Variants in PFKFB3 observed in about 807,000 individuals in gnomAD.
The protein encoded by PFKFB3 is 6-phosphofructo-2-kinase/fructose-2,6-biphosphatase 3.
Under a neutral mutation model 68.0 loss-of-function variants are expected in PFKFB3, and 33 were observed. The observed-to-expected ratio is 0.49, with a 90% CI of 0.37 to 0.65. The LOEUF is 0.65. Among genes scored for constraint, PFKFB3 ranks in the 30% least tolerant of loss-of-function variants. The probability of loss-of-function intolerance (pLI) is 0.00; values close to 1 mark genes in which losing one functional copy is unlikely to be tolerated. For synonymous variants in PFKFB3, 315 were observed against 288.2 expected (o/e 1.09, Z -0.94); for missense variants, 586 against 712.2 (o/e 0.82, Z 2.02).
At chr10:6,227,677 C>T (rs1268316452) in intron 14 of PFKFB3, among the ~76,000 whole-genome samples, 1 of 152,210 alleles carries the variant, frequency 6.6e-6, no homozygotes, top group Admixed American at 6.5e-5. Context: ...GGAGGCCTGG[C>T]TTTGGTGGTA....
rs1588554713 is a variant in PFKFB3 at position 6,234,435 on chromosome 10, G to A, written c.*1493G>A. 1 of 152,220 alleles carries A rather than the reference G, an allele frequency of 6.6e-6. No homozygotes were observed. 9.4% of individuals were successfully genotyped at this position (152,220 alleles called of 1,614,324 possible). ...AGAATGCATGTTTTTTTCCTGGTTG[G>A]AATTGAGTAGGAACTGAGGCTGTGC... On this transcript the variant is annotated 3_prime_UTR_variant, in exon 15 of 15. Transcript: ENST00000379775.
At chr10:6,290,759 C>T in the PFKFB3 span, among the ~76,000 whole-genome samples, 1 of 152,122 alleles carries the variant, frequency 6.6e-6, no homozygotes, top group South Asian at 2.1e-4. Context: ...CTGCCTTGGC[C>T]TCCCAGAGTG....
In PFKFB3 at chr10:6,183,943, C is replaced by T. The variant is rs7067727; in HGVS notation, c.17-29680C>T. 5.3e-5 allele frequency among the ~76,000 whole-genome samples: 8 copies of T among 151,680 alleles called. No homozygotes were observed. The South Asian group carries it at 1.5e-3, about 28-fold the overall frequency. On this transcript the variant is annotated intron_variant, in intron 1 of 14. Transcript: ENST00000379789. The stretch of plus-strand genomic sequence containing the variant: ...CTGACCTCGTGATCCACCCGCCTCG[C>T]CCTCCCAAAGTGCTGGGATTACAGG...
chr10:6,192,345 C>A (rs1185721361), intron 1 of PFKFB3, among the ~76,000 whole-genome samples: 1 of 150,308 alleles, frequency 6.7e-6, no homozygotes, highest in Non-Finnish European at 1.5e-5. Flanking sequence ...CCAAAACCTG[C>A]CCGTTTTTTT....
chr10:6,164,175 C>T (rs1013537007), intron 1 of PFKFB3, among the ~76,000 whole-genome samples: 1 of 152,080 alleles, frequency 6.6e-6, no homozygotes, highest in African/African-American at 2.4e-5. Context: ...GGGCGGCCCA[C>T]CCCACCCCGC....
chr10:6,226,500 G>A (rs1588531704), intron 14 of PFKFB3, 135 bp downstream of exon 14: 2 of 776,590 alleles, frequency 2.6e-6, no homozygotes, highest in Non-Finnish European at 4.0e-6. Flanking sequence ...TATGTTGTAG[G>A]TGTCTGTGCA....
In PFKFB3 at chr10:6,228,299, T is replaced by C; in HGVS notation, c.1515+1934T>C. 3 of 1,523,110 alleles carry C rather than the reference T, an allele frequency of 2.0e-6. No individual in the cohort carries two copies. The highest frequency in any genetic ancestry group is 1.1e-5 in the South Asian group (1 of 89,240). The allele number at this position is 1,523,110 out of a possible 1,614,324, so 94.3% of individuals were successfully genotyped here. ...ATTTGGCCTCCTGCCTGTTAAAATA[T>C]TGAGGATGAGAGCAGTTTTGTGATG... On this transcript the variant is annotated intron_variant, in intron 14 of 14. Transcript: ENST00000379775. This position sits in a 1 kb window ranked among gnomAD's most constrained non-coding sequence, Gnocchi z 4.5.
At chr10:6,258,704 T>C (rs1024284828), downstream of PFKFB3, among the ~76,000 whole-genome samples, 1 of 152,238 alleles carries the variant, frequency 6.6e-6, no homozygotes, top group Non-Finnish European at 1.5e-5. Context: ...CTGCTCCCTG[T>C]AGGGGATTGT....
At chr10:6,224,679 G>T (rs998209308) in intron 13 of PFKFB3, 2 of 334,896 alleles carry the variant, frequency 6.0e-6, no homozygotes, top group Non-Finnish European at 1.2e-5. Flanking sequence ...AGATAATGGG[G>T]TCTCACTGTG....
At chr10:6,157,367 C>T (rs999151546) in intron 1 of PFKFB3, among the ~76,000 whole-genome samples, 1 of 151,960 alleles carries the variant, frequency 6.6e-6, no homozygotes, top group East Asian at 2.0e-4. Context: ...GCTGGGACTA[C>T]AGGCGCCCGC....
intron 1 of PFKFB3, among the ~76,000 whole-genome samples, chr10:6,166,676 C>T (rs1842149388): frequency 6.6e-6 from 1 of 152,146 alleles, no homozygotes; most frequent in African/African-American, 2.4e-5. Flanking sequence ...TTGAGTAGCA[C>T]CTGTTTCGGC....
At chr10:6,194,425 G>A (rs775394312) in intron 1 of PFKFB3, among the ~76,000 whole-genome samples, 1 of 152,184 alleles carries the variant, frequency 6.6e-6, no homozygotes, top group Non-Finnish European at 1.5e-5. Flanking sequence ...GTCTAGGAGC[G>A]GGCTCCTTAG....
At chr10:6,262,029 A>AAC in the PFKFB3 span, among the ~76,000 whole-genome samples, 7 of 151,246 alleles carry the variant, frequency 4.6e-5, no homozygotes, top group African/African-American at 7.3e-5. Flanking sequence ...CAAAAAAAAA[A>AAC]ACACAAAAAA....
chr10:6,169,893 C>T (rs182947409), intron 1 of PFKFB3, among the ~76,000 whole-genome samples: 45 of 152,288 alleles, frequency 3.0e-4, no homozygotes, highest in African/African-American at 1.1e-3. Flanking sequence ...TTCCCAGGTT[C>T]CTTTTGGTTC....
At position 6,228,450 on chromosome 10, in the gene PFKFB3, G is replaced by T. The variant is rs1845503610; in HGVS notation, c.1515+2085G>T. On this transcript the variant is annotated intron_variant, in intron 14 of 14. Coordinates refer to ENST00000379775, the MANE Select transcript of PFKFB3 (RefSeq NM_004566.4). The surrounding 1 kb of genome is among the most constrained non-coding windows in gnomAD (Gnocchi z 4.5). Reference sequence around the variant, plus strand: ...CTACTGTTGGGTGTGTTCCGACACCGCCGCACGACCGCTGGCTTCTCCCCT... The same window carrying T: ...CTACTGTTGGGTGTGTTCCGACACCTCCGCACGACCGCTGGCTTCTCCCCT... Among the ~76,000 whole-genome samples the T allele has an allele frequency of 6.6e-6, 1 of 152,090 alleles. No individual in the cohort carries two copies. The highest frequency in any genetic ancestry group is 1.5e-5 in the Non-Finnish European group (1 of 68,006).
chr10:6,145,384 C>G (rs981180334), intron 1 of PFKFB3, among the ~76,000 whole-genome samples: 3 of 99,144 alleles, frequency 3.0e-5, no homozygotes, highest in African/African-American at 1.1e-4. Context: ...ACCCGCGCGT[C>G]CCCTCTGGCG....
chr10:6,254,428 C>T (rs1428494926), exon 15 of PFKFB3: 3 of 398,306 alleles, frequency 7.5e-6, no homozygotes, highest in Non-Finnish European at 8.8e-6. Flanking sequence ...GAGAAGCTTC[C>T]CTTATGCTGT....
downstream of PFKFB3, among the ~76,000 whole-genome samples, chr10:6,237,138 GACA>G (rs1170885647): frequency 6.6e-6 from 1 of 152,172 alleles, no homozygotes; most frequent in Non-Finnish European, 1.5e-5. Flanking sequence ...GGTTCTCCCC[GACA>G]CTTCCTCCCC....
intron 14 of PFKFB3, among the ~76,000 whole-genome samples, chr10:6,248,846 A>G (rs1846316581): frequency 6.6e-6 from 1 of 152,208 alleles, no homozygotes; most frequent in African/African-American, 2.4e-5. Context: ...CAAAAAGACA[A>G]ATGATAACAA....
Sources: allele counts gnomAD v4.1 joint callset (sites outside exome capture counted in the v4.1 genomes callset), GRCh38; gene constraint gnomAD v4.1.1; non-coding constraint Gnocchi (gnomAD v3.1); transcripts MANE v1.5; gene names NCBI Gene and HGNC (gene_info 2026-07-23, HGNC 2026-07-21).